Variants in CSMD3 observed in about 807,000 individuals in gnomAD.
CSMD3 encodes CUB and sushi domain-containing protein 3.
A neutral mutation model predicts 435.2 loss-of-function variants in CSMD3; 177 were observed. That is an observed-to-expected ratio of 0.41 (90% CI 0.36 to 0.46). CSMD3 has a LOEUF of 0.46. CSMD3 is among the 20% of genes least tolerant of loss of function. The pLI is 0.34. For synonymous variants in CSMD3, 1,656 were observed against 1,520.5 expected (o/e 1.09, Z -2.07); for missense variants, 4,265 against 4,504.6 (o/e 0.95, Z 1.52).
intron 31 of CSMD3, among the ~76,000 whole-genome samples, chr8:112,477,584 TCATTTAAAGGTATATGGC>T (rs772857795): frequency 6.2e-4 from 95 of 152,170 alleles, no homozygotes; most frequent in Admixed American, 1.8e-3. Flanking sequence ...TGAGATCTGG[TCATTTAAAGGTATATGGC>T]ACCTCCCCAT....
Position 113,427,760 on chromosome 8 carries a change from G to A in CSMD3, c.178+8917C>T, listed in dbSNP as rs142054175. 6.4e-3 allele frequency among the ~76,000 whole-genome samples: 967 copies of A among 151,716 alleles called. 9 individuals carry two copies. The highest frequency in any genetic ancestry group is 0.021 in the African/African-American group (883 of 41,498). Reference sequence around the variant, plus strand: ...CAAATAAATCTAATGCACATTTCCTGCCTAGTAAACACTAGATTGGGGACA... The same window carrying A: ...CAAATAAATCTAATGCACATTTCCTACCTAGTAAACACTAGATTGGGGACA... On this transcript the variant is annotated intron_variant, in intron 1 of 70. Transcript: ENST00000297405.
intron 32 of CSMD3, among the ~76,000 whole-genome samples, chr8:112,470,469 C>T (rs926110847): frequency 1.3e-5 from 2 of 152,022 alleles, no homozygotes; most frequent in Non-Finnish European, 2.9e-5. Context: ...TTTATCATTG[C>T]TACTTTAGAG....
In CSMD3 at chr8:112,265,563, G is replaced by A. The variant is rs1170044398; in HGVS notation, c.9536C>T (p.Pro3179Leu). 1.2e-6 allele frequency: 2 copies of A among 1,613,122 alleles called. No individual in the cohort carries two copies. Among genetic ancestry groups the A allele is most frequent in the South Asian group, 1.1e-5 (1 of 91,074 alleles). Residue 3179 changes from proline (P) to leucine (L), a missense_variant, in exon 60 of 71, where the codon CCA (proline) becomes CTA (leucine). Pro to Leu is a moderately conservative substitution (Grantham distance 98). This residue lies in a region of CSMD3 where 3,255 missense variants were observed against 3,380.2 expected (regional missense o/e 0.96). Coordinates refer to ENST00000297405, the MANE Select transcript of CSMD3 (RefSeq NM_198123.2). ...ATCTCCATATCTCAGTCCATTGGCT[G>A]GTATACCTGGGTCTCCACAACTGAT... ...TIISCGDPGI[P>L]ANGLRYGDDY...
chr8:113,129,441 C>T (rs150600008), intron 4 of CSMD3, among the ~76,000 whole-genome samples: 284 of 152,142 alleles, frequency 1.9e-3, no homozygotes, highest in African/African-American at 6.1e-3. Flanking sequence ...GGCTTTCCTA[C>T]GGAACAGTAT....
At chr8:112,380,227 T>C (rs1183888548) in intron 38 of CSMD3, 125 bp downstream of exon 38, 2 of 584,202 alleles carry the variant, frequency 3.4e-6, no homozygotes, top group Non-Finnish European at 6.1e-6. Context: ...GTTCAAACTT[T>C]CAAGAAAATA....
At chr8:112,901,406 G>C (rs1249169369) in intron 10 of CSMD3, among the ~76,000 whole-genome samples, 1 of 151,194 alleles carries the variant, frequency 6.6e-6, no homozygotes, top group Non-Finnish European at 1.5e-5. Context: ...AACTAGAAAT[G>C]AAACATTTTC....
intron 32 of CSMD3, among the ~76,000 whole-genome samples, chr8:112,446,829 C>G (rs956256439): frequency 6.6e-6 from 1 of 152,092 alleles, no homozygotes; most frequent in Non-Finnish European, 1.5e-5. Flanking sequence ...GGCAATGGGC[C>G]GGGTTTCAGT....
intron 13 of CSMD3, among the ~76,000 whole-genome samples, chr8:112,728,367 TAA>T (rs1210492823): frequency 1.3e-5 from 2 of 151,944 alleles, no homozygotes; most frequent in African/African-American, 4.8e-5. Context: ...AGAATTAAAA[TAA>T]GTTATATATC....
chr8:112,304,364 A>T (rs1272026462), intron 52 of CSMD3, among the ~76,000 whole-genome samples: 1 of 148,072 alleles, frequency 6.8e-6, no homozygotes, highest in Non-Finnish European at 1.5e-5. Flanking sequence ...GAATGATTAC[A>T]TCTGGGGCAA....
chr8:112,915,105 T>C lies in CSMD3; in HGVS notation c.1633+6522A>G, dbSNP rs191359071. On this transcript the variant is annotated intron_variant, in intron 10 of 70. Transcript: ENST00000297405. ...ATAAGTTTACTATGAACACAAAAAGTTATTCTATTTTAATAATTTTTCAAC... is the reference window on the plus strand; with the variant it reads ...ATAAGTTTACTATGAACACAAAAAGCTATTCTATTTTAATAATTTTTCAAC... Among the ~76,000 whole-genome samples, 258 of 151,956 alleles carry C rather than the reference T, an allele frequency of 1.7e-3. 1 individual carries two copies. The highest frequency in any genetic ancestry group is 5.9e-3 in the African/African-American group (247 of 41,530).
At chr8:113,212,629 A>G (rs187148070) in intron 3 of CSMD3, among the ~76,000 whole-genome samples, 9 of 152,202 alleles carry the variant, frequency 5.9e-5, no homozygotes, top group African/African-American at 1.9e-4. Context: ...TCAGCAAACT[A>G]TCACAAGGAC....
Position 113,173,955 on chromosome 8 carries a change from C to T in CSMD3, c.515-39G>A, listed in dbSNP as rs779149215. ...GGAAAAGGAGAGTTTACAGTTATTT[C>T]AATAAGCAGTTTATTGTTTTAGATG... On this transcript the variant is annotated intron_variant, in intron 3 of 70. Coordinates refer to ENST00000297405, the MANE Select transcript of CSMD3 (RefSeq NM_198123.2). The T allele has an allele frequency of 2.8e-6, 4 of 1,426,092 alleles. No individual in the cohort carries two copies. The African/African-American group carries it at 4.2e-5, about 15-fold the overall frequency. The allele number at this position is 1,426,092 out of a possible 1,614,324, so 88.3% of individuals were successfully genotyped here. A position where few individuals can be genotyped will look rare whatever the true frequency, so the allele number is the denominator to read the frequency against.
intron 10 of CSMD3, among the ~76,000 whole-genome samples, chr8:112,868,231 T>C (rs2081039385): frequency 6.6e-6 from 1 of 152,114 alleles, no homozygotes. Context: ...TGTCATTTTC[T>C]AGATGACAGT....
At chr8:112,938,151 C>T (rs12550052) in intron 9 of CSMD3, among the ~76,000 whole-genome samples, 3 of 152,262 alleles carry the variant, frequency 2.0e-5, no homozygotes, top group Admixed American at 2.0e-4. Context: ...TCTATAAGTG[C>T]TGAAATAAGT....
intron 19 of CSMD3, among the ~76,000 whole-genome samples, chr8:112,645,568 A>ATTG (rs10651272): frequency 0.35 from 53,406 of 151,766 alleles, 10,039 homozygotes; most frequent in African/African-American, 0.5. Context: ...AAGAAAATGA[A>ATTG]TTAACTGTAT....
chr8:112,357,418 C>T (rs1826725411), intron 38 of CSMD3, among the ~76,000 whole-genome samples: 1 of 152,174 alleles, frequency 6.6e-6, no homozygotes, highest in South Asian at 2.1e-4. Context: ...AATGTGCAGT[C>T]TGACAATGTG....
intron 22 of CSMD3, among the ~76,000 whole-genome samples, chr8:112,594,654 C>G (rs948001187): frequency 4.6e-5 from 7 of 152,212 alleles, no homozygotes; most frequent in Admixed American, 3.9e-4. Context: ...TCCCAGCACG[C>G]AGCTGGAGAT....
intron 38 of CSMD3, among the ~76,000 whole-genome samples, chr8:112,362,530 G>A (rs1055913887): frequency 6.6e-6 from 1 of 151,938 alleles, no homozygotes; most frequent in Admixed American, 6.6e-5. Flanking sequence ...GAATCACGAC[G>A]TGTAGGTATT....
intron 4 of CSMD3, among the ~76,000 whole-genome samples, chr8:113,158,153 A>G (rs1432315417): frequency 6.6e-6 from 1 of 151,840 alleles, no homozygotes; most frequent in Non-Finnish European, 1.5e-5. Context: ...GATTTGTACT[A>G]AAACTACATT....
Sources: allele counts gnomAD v4.1 joint callset (sites outside exome capture counted in the v4.1 genomes callset), GRCh38; gene constraint gnomAD v4.1.1; regional missense constraint gnomAD v4.1.1; transcripts MANE v1.5; gene names NCBI Gene and HGNC (gene_info 2026-07-23, HGNC 2026-07-21).